The following TCF3 variants were observed in gnomAD, a reference collection of about 807,000 sequenced individuals.
TCF3 encodes the protein transcription factor E2-alpha.
In TCF3, 54 loss-of-function variants were observed where a neutral mutation model predicts 72.3. The ratio of observed to expected loss-of-function variants is 0.75; its 90% CI spans 0.60 to 0.94. TCF3 has a LOEUF of 0.94. TCF3 is among the 40% of genes least tolerant of loss of function. The pLI, the probability that TCF3 is intolerant of heterozygous loss-of-function variation, is 0.00. For missense variants in TCF3, 1,078 were observed against 934.4 expected (o/e 1.15, Z -2.00); for synonymous variants, 525 against 412.6 (o/e 1.27, Z -3.30).
intron 1 of TCF3, 165 bp from the exon 2 acceptor site, chr19:1,650,452 G>A (rs1290438394): frequency 3.5e-6 from 2 of 578,954 alleles, no homozygotes; most frequent in Non-Finnish European, 6.1e-6. Context: ...CTGGGAGCAG[G>A]CGCAGGGAAG....
chr19:1,635,935 GAC>G (rs2064336103), intron 3 of TCF3, among the ~76,000 whole-genome samples: 3 of 152,172 alleles, frequency 2.0e-5, no homozygotes, highest in African/African-American at 7.2e-5. Context: ...GGGTCACTAT[GAC>G]CCCCCAAGCC....
chr19:1,636,065 C>T (rs1441246675), intron 3 of TCF3, among the ~76,000 whole-genome samples: 2 of 152,248 alleles, frequency 1.3e-5, no homozygotes, highest in Non-Finnish European at 2.9e-5. Flanking sequence ...GCTTCTCAGA[C>T]CCATTCCCAG....
At chr19:1,623,859 C>A (rs2062557251) in intron 8 of TCF3, 92 bp downstream of exon 8, 13 of 1,355,162 alleles carry the variant, frequency 9.6e-6, no homozygotes, top group East Asian at 2.5e-5. Context: ...CAGGGCCCAC[C>A]CCGCCATGTG....
chr19:1,610,961 G>A lies in TCF3; in HGVS notation c.*746C>T, dbSNP rs958591139. ...GGGACGGGGGGGCTCAGGTTTACAC[G>A]GGGTCTTTTTAATACAACGTTTAAT... is the stretch of plus-strand genomic sequence containing the variant. On this transcript the variant is annotated 3_prime_UTR_variant, in exon 19 of 19. Transcript: ENST00000262965. 8.9e-6 allele frequency: 2 copies of A among 225,296 alleles called. No homozygotes were observed. Among genetic ancestry groups the A allele is most frequent in the African/African-American group, 2.3e-5 (1 of 43,992 alleles). The allele number at this position is 225,296 out of a possible 1,614,324, so 14.0% of individuals were successfully genotyped here. A position where few individuals can be genotyped will look rare whatever the true frequency, so the allele number is the denominator to read the frequency against.
Position 1,651,456 on chromosome 19 carries a change from T to G in TCF3, c.-40+844A>C, listed in dbSNP as rs2067036812. 1.8e-5 allele frequency: 4 copies of G among 225,476 alleles called. No individual in the cohort carries two copies. The East Asian group carries it at 2.5e-4, about 14-fold the overall frequency. The allele number at this position is 225,476 out of a possible 1,614,324, so 14.0% of individuals were successfully genotyped here. ...GAGGGCGTGTGAAACTGACTTTTTTTGAGGACTACGAAACCGCACTTTTTT... is the reference window on the plus strand; with the variant it reads ...GAGGGCGTGTGAAACTGACTTTTTTGGAGGACTACGAAACCGCACTTTTTT... On this transcript the variant is annotated intron_variant, in intron 1 of 18. Coordinates refer to ENST00000262965, the MANE Select transcript of TCF3 (RefSeq NM_003200.5).
At chr19:1,630,041 GC>G (rs1215223690) in intron 5 of TCF3, among the ~76,000 whole-genome samples, 1 of 152,222 alleles carries the variant, frequency 6.6e-6, no homozygotes, top group Admixed American at 6.5e-5. Context: ...ACCCCCGCCT[GC>G]CCTCTCCAAG....
chr19:1,647,323 G>C (rs1006867398), intron 2 of TCF3, among the ~76,000 whole-genome samples: 1 of 152,228 alleles, frequency 6.6e-6, no homozygotes, highest in Admixed American at 6.5e-5. Context: ...GGCTCCCATC[G>C]GGGCTTAAGT....
chr19:1,627,823 A>G (rs2063109423), intron 5 of TCF3, among the ~76,000 whole-genome samples: 3 of 90,124 alleles, frequency 3.3e-5, no homozygotes, highest in African/African-American at 1.0e-4. Flanking sequence ...TGAGGCGGGA[A>G]GGGGACAGCA....
intron 3 of TCF3, among the ~76,000 whole-genome samples, chr19:1,633,924 T>G (rs740435): frequency 0.05 from 7,565 of 152,242 alleles, 596 homozygotes; most frequent in East Asian, 0.4. Context: ...GCATGTTGTC[T>G]GGTCCCCTCC....
intron 5 of TCF3, 190 bp downstream of exon 5, chr19:1,631,848 C>T: frequency 6.9e-7 from 1 of 1,451,018 alleles, no homozygotes; most frequent in South Asian, 1.3e-5. Context: ...GAGTGCCGTG[C>T]CAGGGAGTCC....
At position 1,647,141 on chromosome 19, in the gene TCF3, G is replaced by T. The variant is rs560805193; in HGVS notation, c.73-714C>A. 2.6e-5 allele frequency among the ~76,000 whole-genome samples: 4 copies of T among 152,322 alleles called. No individual in the cohort carries two copies. In the East Asian group the frequency reaches 7.7e-4, roughly 29 times the overall value. On this transcript the variant is annotated intron_variant, in intron 2 of 18. Transcript: ENST00000262965. ...CTGATCCAGCTCCTGGGTGCTAGGG[G>T]TGTGGGACTGCCACCCTCCCTCCCG...
chr19:1,611,679 G>C lies in TCF3; in HGVS notation c.*28C>G, dbSNP rs2060996388. 2 of 1,602,064 alleles carry C rather than the reference G, an allele frequency of 1.2e-6. No homozygotes were observed. The highest frequency in any genetic ancestry group is 1.7e-5 in the Admixed American group (1 of 58,932). Reference sequence around the variant, plus strand: ...GGGCCAGAGCACAGGGCTGAAAGCGGGTGGCTCGTCCCACGGAGGCATACC... The same window carrying C: ...GGGCCAGAGCACAGGGCTGAAAGCGCGTGGCTCGTCCCACGGAGGCATACC... On this transcript the variant is annotated 3_prime_UTR_variant, in exon 19 of 19. Coordinates refer to ENST00000262965, the MANE Select transcript of TCF3 (RefSeq NM_003200.5).
intron 7 of TCF3, among the ~76,000 whole-genome samples, chr19:1,625,125 G>A (rs921529171): frequency 1.3e-5 from 2 of 152,246 alleles, no homozygotes; most frequent in Non-Finnish European, 2.9e-5. Flanking sequence ...GGGACCCCAG[G>A]TGAGTGCCGC....
Position 1,623,973 on chromosome 19 carries a change from A to T in TCF3, c.527T>A (p.Val176Asp). 6.2e-7 allele frequency: 1 copy of T among 1,613,280 alleles called. No individual in the cohort carries two copies. Among genetic ancestry groups the T allele is most frequent in the Non-Finnish European group, 8.5e-7 (1 of 1,179,918 alleles). ...LDTQPKKVRK[V>D]PPGLPSSVYP... ...CACCGAGGATGGAAGACCCGGCGGG[A>T]CCTTCCGGACCTTCTTGGGCTGCGT... Residue 176 changes from valine to aspartate, a missense_variant, in exon 8 of 19, where the codon GTC (valine) becomes GAC (aspartate). Coordinates refer to ENST00000262965, the MANE Select transcript of TCF3 (RefSeq NM_003200.5).
chr19:1,633,462 GC>G (rs1418273642), intron 3 of TCF3, among the ~76,000 whole-genome samples: 2 of 145,620 alleles, frequency 1.4e-5, no homozygotes, highest in African/African-American at 2.5e-5. Flanking sequence ...CCCCCGCCCC[GC>G]CCCCTGCCCT....
At chr19:1,643,763 TTTAA>T (rs1273209397) in intron 3 of TCF3, among the ~76,000 whole-genome samples, 2 of 152,360 alleles carry the variant, frequency 1.3e-5, no homozygotes, top group East Asian at 1.9e-4. Context: ...AAAACTTATG[TTTAA>T]TTAATTTTCA....
Position 1,650,187 on chromosome 19 carries a change from T to C in TCF3, c.62A>G (p.Asp21Gly). The C allele has an allele frequency of 6.4e-7, 1 of 1,570,668 alleles. No individual in the cohort carries two copies. Among genetic ancestry groups the C allele is most frequent in the East Asian group, 2.3e-5 (1 of 43,576 alleles). Residue 21 changes from aspartate to glycine, a missense_variant, in exon 2 of 19, where the codon GAC becomes GGC. By Grantham distance (94) the Asp-to-Gly change is moderately conservative. Transcript: ENST00000262965. ...GGGGTCCTGGCTCACCATGCTGAAG[T>C]CCAGGAGGTCACTGAGCTCCTTGTC... ...GTDKELSDLLDFSMMFPLPVT... is the reference protein window; with the variant it reads ...GTDKELSDLLGFSMMFPLPVT...
intron 13 of TCF3, 22 bp downstream of exon 13, chr19:1,620,946 T>TC (rs1182883440): frequency 7.4e-7 from 1 of 1,343,540 alleles, no homozygotes; most frequent in Admixed American, 3.7e-5. Flanking sequence ...CAGCCTCCCC[T>TC]CCCCCCAAAA....
At position 1,650,501 on chromosome 19, in the gene TCF3, C is replaced by G. The variant is rs371350725; in HGVS notation, c.-39-214G>C. On this transcript the variant is annotated intron_variant, in intron 1 of 18. Coordinates refer to ENST00000262965, the MANE Select transcript of TCF3 (RefSeq NM_003200.5). ...GTCTAGGTCCCTGCAGAGTCCTCCCCAGAGACCACAGGGAGTCTGAAAAAT... is the reference window on the plus strand; with the variant it reads ...GTCTAGGTCCCTGCAGAGTCCTCCCGAGAGACCACAGGGAGTCTGAAAAAT... 14 of 466,506 alleles carry G rather than the reference C, an allele frequency of 3.0e-5. No homozygotes were observed. In the South Asian group the frequency reaches 4.8e-4, roughly 16 times the overall value. 28.9% of individuals were successfully genotyped at this position (466,506 alleles called of 1,614,324 possible).
Sources: gnomAD v4.1 joint callset for allele counts (sites outside exome capture counted in the v4.1 genomes callset) on GRCh38, gnomAD v4.1.1 for gene constraint, MANE v1.5 for transcripts, NCBI Gene and HGNC (gene_info 2026-07-23, HGNC 2026-07-21) for gene names.